Variants in FGF12 observed in about 807,000 individuals in gnomAD.
FGF12 encodes the protein fibroblast growth factor 12, also known as fibroblast growth factor 12B.
A neutral mutation model predicts 23.6 loss-of-function variants in FGF12; 14 were observed. The ratio of observed to expected loss-of-function variants is 0.59; its 90% CI spans 0.39 to 0.93. FGF12 has a LOEUF of 0.93. FGF12 is among the 40% of genes least tolerant of loss of function. The probability of loss-of-function intolerance (pLI) is 0.00; values close to 1 mark genes in which losing one functional copy is unlikely to be tolerated. For missense variants in FGF12, 175 were observed against 217.8 expected (o/e 0.80, Z 1.24); for synonymous variants, 62 against 77.3 (o/e 0.80, Z 1.04).
intron 4 of FGF12, among the ~76,000 whole-genome samples, chr3:192,321,429 G>C (rs1475709694): frequency 1.3e-5 from 2 of 151,094 alleles, no homozygotes; most frequent in Non-Finnish European, 3.0e-5. Context: ...AAATAGAAGA[G>C]GAGGGAATAA....
At chr3:192,271,900 T>A (rs1713461457) in intron 4 of FGF12, among the ~76,000 whole-genome samples, 1 of 152,270 alleles carries the variant, frequency 6.6e-6, no homozygotes, top group African/African-American at 2.4e-5. Flanking sequence ...ACAGACTGAC[T>A]CCTTGGTTTA....
At chr3:192,312,283 T>C (rs1050891621) in intron 4 of FGF12, among the ~76,000 whole-genome samples, 2 of 152,174 alleles carry the variant, frequency 1.3e-5, no homozygotes, top group African/African-American at 4.8e-5. Context: ...CCATGAGTTT[T>C]ATGGTCTTAG....
At chr3:192,380,159 A>G in intron 2 of FGF12, among the ~76,000 whole-genome samples, 1 of 152,348 alleles carries the variant, frequency 6.6e-6, no homozygotes, top group African/African-American at 2.4e-5. Flanking sequence ...ACTAATAATT[A>G]AATAGATGAT....
chr3:192,289,241 T>C (rs543987841), intron 4 of FGF12, among the ~76,000 whole-genome samples: 1 of 152,292 alleles, frequency 6.6e-6, no homozygotes, highest in Non-Finnish European at 1.5e-5. Flanking sequence ...AGTGCTGGGA[T>C]GCAGGACCCA....
At chr3:192,543,657 G>A (rs1189771830) in intron 2 of FGF12, among the ~76,000 whole-genome samples, 1 of 151,786 alleles carries the variant, frequency 6.6e-6, no homozygotes, top group East Asian at 2.0e-4. Flanking sequence ...CTCACCCAAG[G>A]CCCACAGCGA....
chr3:192,595,751 A>T (rs1406259171), intron 2 of FGF12, among the ~76,000 whole-genome samples: 2 of 152,176 alleles, frequency 1.3e-5, no homozygotes, highest in Admixed American at 1.3e-4. Flanking sequence ...TTTCACTGTA[A>T]CAATTTGACA....
intron 2 of FGF12, among the ~76,000 whole-genome samples, chr3:192,396,002 G>A (rs1485091446): frequency 6.6e-6 from 1 of 152,174 alleles, no homozygotes; most frequent in African/African-American, 2.4e-5. Context: ...GGGGAAGGGT[G>A]GAGAAAGAAC....
intron 2 of FGF12, among the ~76,000 whole-genome samples, chr3:192,487,204 C>T (rs114779087): frequency 0.012 from 1,869 of 152,168 alleles, 32 homozygotes; most frequent in African/African-American, 0.043. Context: ...TTGTTGGCTA[C>T]AGCTAGATGC....
At chr3:192,296,608 A>C (rs1245398900) in intron 4 of FGF12, among the ~76,000 whole-genome samples, 1 of 152,198 alleles carries the variant, frequency 6.6e-6, no homozygotes, top group African/African-American at 2.4e-5. Flanking sequence ...ATTAATATTT[A>C]CCATCTTTAG....
At chr3:192,714,677 T>C (rs1349170407) in intron 2 of FGF12, among the ~76,000 whole-genome samples, 3 of 151,756 alleles carry the variant, frequency 2.0e-5, no homozygotes, top group East Asian at 3.9e-4. Flanking sequence ...CGCCACTACG[T>C]CCGGCTAATT....
chr3:192,501,868 G>T (rs1724142837), intron 2 of FGF12, among the ~76,000 whole-genome samples: 1 of 152,168 alleles, frequency 6.6e-6, no homozygotes, highest in Non-Finnish European at 1.5e-5. Flanking sequence ...TTAAAATAGG[G>T]TTCATGCAGG....
At chr3:192,166,098 G>T (rs75032824) in intron 5 of FGF12, among the ~76,000 whole-genome samples, 1 of 152,244 alleles carries the variant, frequency 6.6e-6, no homozygotes, top group East Asian at 1.9e-4. Flanking sequence ...CGAGGAGAAA[G>T]GTTTCAATGT....
intron 2 of FGF12, among the ~76,000 whole-genome samples, chr3:192,578,067 C>A (rs114419599): frequency 0.014 from 2,135 of 152,248 alleles, 27 homozygotes; most frequent in South Asian, 0.044. Flanking sequence ...ACATTCACTT[C>A]ATGAAAGATA....
At chr3:192,146,272 A>T (rs59133947) in intron 5 of FGF12, among the ~76,000 whole-genome samples, 20,641 of 143,108 alleles carry the variant, frequency 0.14, 1,625 homozygotes, top group South Asian at 0.2. Context: ...TAAAGTGTAT[A>T]TTTTTTTTTT....
intron 3 of FGF12, among the ~76,000 whole-genome samples, chr3:192,348,687 A>G (rs1431578654): frequency 6.6e-6 from 1 of 152,118 alleles, no homozygotes; most frequent in African/African-American, 2.4e-5. Context: ...AGGAAAGATA[A>G]ATTCGAGATA....
chr3:192,296,029 ACAC>A (rs1253796985), intron 4 of FGF12, among the ~76,000 whole-genome samples: 2 of 149,240 alleles, frequency 1.3e-5, no homozygotes, highest in Non-Finnish European at 3.0e-5. Context: ...CCACAGGCAC[ACAC>A]CACCATGCTG....
chr3:192,719,566 A>G (rs542698347), intron 2 of FGF12, among the ~76,000 whole-genome samples: 9 of 152,214 alleles, frequency 5.9e-5, no homozygotes, highest in Admixed American at 1.3e-4. Context: ...TTTAAATCCC[A>G]GAAGAAAGAA....
chr3:192,538,137 G>C (rs2108574381), intron 2 of FGF12, among the ~76,000 whole-genome samples: 1 of 151,950 alleles, frequency 6.6e-6, no homozygotes, highest in Admixed American at 6.6e-5. Context: ...TAGTAAAGAT[G>C]GGGTTTCACC....
intron 3 of FGF12, among the ~76,000 whole-genome samples, chr3:192,337,941 T>C (rs535038879): frequency 6.6e-6 from 1 of 152,314 alleles, no homozygotes; most frequent in East Asian, 1.9e-4. Context: ...TTCAAAGTGC[T>C]GATACATTCA....
Sources: allele counts gnomAD v4.1 joint callset (sites outside exome capture counted in the v4.1 genomes callset), GRCh38; gene constraint gnomAD v4.1.1; transcripts MANE v1.5; gene names NCBI Gene and HGNC (gene_info 2026-07-23, HGNC 2026-07-21).